STAG1: variants seen among roughly 807,000 people sequenced by gnomAD.
STAG1 encodes cohesin subunit SA-1.
In STAG1, 26 loss-of-function variants were observed where a neutral mutation model predicts 170.9. The ratio of observed to expected loss-of-function variants is 0.15; its 90% CI spans 0.11 to 0.21. The LOEUF is 0.21. Among genes scored for constraint, STAG1 ranks in the 10% least tolerant of loss-of-function variants. The pLI is 1.00. For missense variants in STAG1, 964 were observed against 1,509.5 expected, an observed-to-expected ratio of 0.64 and a Z score of 5.99; for synonymous variants, 514 against 497.7, an observed-to-expected ratio of 1.03 and a Z score of -0.44.
chr3:136,742,709 C>T (rs1240880741), intron 1 of STAG1, among the ~76,000 whole-genome samples: 2 of 142,696 alleles, frequency 1.4e-5, no homozygotes, highest in East Asian at 2.1e-4. Context: ...AGCAAGACTC[C>T]ATCTCAAAAA....
At chr3:136,615,360 G>T (rs1939531249) in intron 3 of STAG1, among the ~76,000 whole-genome samples, 1 of 144,154 alleles carries the variant, frequency 6.9e-6, no homozygotes, top group Non-Finnish European at 1.5e-5. Flanking sequence ...TTCATAAAAT[G>T]GCATTGCCTG....
rs531721951 is a variant in STAG1 at position 136,731,056 on chromosome 3, C to T, written c.-84+21139G>A. On this transcript the variant is annotated intron_variant, in intron 1 of 33. Transcript: ENST00000383202. ...TTAAGAACCACTGGGCTATATATCA[C>T]AGCTCTGTCCCTTTGCATATATACA... 5.6e-4 allele frequency among the ~76,000 whole-genome samples: 85 copies of T among 152,308 alleles called. No individual in the cohort carries two copies. The Middle Eastern group carries it at 0.01, about 18-fold the overall frequency.
intron 22 of STAG1, among the ~76,000 whole-genome samples, chr3:136,381,692 T>G (rs1031322660): frequency 1.3e-5 from 2 of 152,200 alleles, no homozygotes; most frequent in Non-Finnish European, 2.9e-5. Context: ...TCTTGACCTT[T>G]TTAATAGAAA....
intron 4 of STAG1, among the ~76,000 whole-genome samples, chr3:136,595,022 G>A (rs957223221): frequency 6.6e-6 from 1 of 152,140 alleles, no homozygotes; most frequent in Admixed American, 6.6e-5. Context: ...GCCTGCTTCA[G>A]CCTCCCAAAG....
At chr3:136,408,800 T>C (rs1422080581) in intron 21 of STAG1, among the ~76,000 whole-genome samples, 1 of 152,108 alleles carries the variant, frequency 6.6e-6, no homozygotes, top group African/African-American at 2.4e-5. Flanking sequence ...TCTTTTTGAC[T>C]TAGAAGTCTA....
At chr3:136,666,242 G>A (rs1358411215) in intron 1 of STAG1, among the ~76,000 whole-genome samples, 2 of 152,010 alleles carry the variant, frequency 1.3e-5, no homozygotes, top group Non-Finnish European at 2.9e-5. Context: ...GAACAATCAA[G>A]GAAGCTGATT....
intron 23 of STAG1, among the ~76,000 whole-genome samples, chr3:136,375,047 C>T (rs80239582): frequency 6.6e-6 from 1 of 152,118 alleles, no homozygotes; most frequent in Non-Finnish European, 1.5e-5. Flanking sequence ...ATAGGCCATA[C>T]CATAGAGCAT....
At chr3:136,723,871 G>C (rs1933483137) in intron 1 of STAG1, among the ~76,000 whole-genome samples, 2 of 148,914 alleles carry the variant, frequency 1.3e-5, no homozygotes, top group Admixed American at 1.3e-4. Flanking sequence ...GCCCCGTCCG[G>C]GAGGGTGGTG....
Position 136,542,191 on chromosome 3 carries a change from A to G in STAG1, c.399T>C (p.Thr133=). Residue 133 remains threonine (T), a synonymous_variant, in exon 6 of 34, where the codon ACT becomes ACC. Transcript: ENST00000383202. The part of the protein sequence containing the change: ...FFIQCSGCRG[T]VRIEMFRNMQ... ...TATTTCGAAACATCTCTATTCTCAC[A>G]GTACCTGTGGAACAACAGATTTTAC... The G allele has an allele frequency of 1.2e-6, 2 of 1,606,234 alleles. No homozygotes were observed. Among genetic ancestry groups the G allele is most frequent in the Non-Finnish European group, 1.7e-6 (2 of 1,177,738 alleles).
intron 14 of STAG1, among the ~76,000 whole-genome samples, chr3:136,444,687 G>C (rs905398921): frequency 9.2e-5 from 14 of 152,176 alleles, no homozygotes; most frequent in African/African-American, 3.4e-4. Flanking sequence ...TCTGTTATAT[G>C]TGCTTGTACT....
chr3:136,676,640 G>A (rs1267868689), intron 1 of STAG1, among the ~76,000 whole-genome samples: 1 of 152,040 alleles, frequency 6.6e-6, no homozygotes, highest in East Asian at 1.9e-4. Context: ...TGTGGAGATA[G>A]GGTTTCACTA....
intron 14 of STAG1, among the ~76,000 whole-genome samples, chr3:136,447,595 CATTTT>C (rs1480850354): frequency 1.6e-5 from 2 of 121,412 alleles, no homozygotes; most frequent in South Asian, 2.7e-4. Context: ...AAAAGCATCA[CATTTT>C]TTTTTTTTTT....
At chr3:136,352,879 A>G (rs772165214) in intron 28 of STAG1, among the ~76,000 whole-genome samples, 8 of 152,196 alleles carry the variant, frequency 5.3e-5, no homozygotes, top group Non-Finnish European at 7.3e-5. Flanking sequence ...TTGACTTACA[A>G]TATTTTAAAC....
At chr3:136,439,966 A>G (rs1436901203) in intron 15 of STAG1, among the ~76,000 whole-genome samples, 1 of 152,190 alleles carries the variant, frequency 6.6e-6, no homozygotes, top group Non-Finnish European at 1.5e-5. Flanking sequence ...CAGAATTTAA[A>G]CCACAATGAA....
intron 20 of STAG1, among the ~76,000 whole-genome samples, chr3:136,420,046 C>T (rs944726018): frequency 4.6e-5 from 7 of 151,780 alleles, no homozygotes; most frequent in Non-Finnish European, 8.8e-5. Flanking sequence ...GTCAGGAGTT[C>T]AAGACCAGCC....
intron 9 of STAG1, among the ~76,000 whole-genome samples, chr3:136,478,601 A>C (rs113696420): frequency 6.6e-6 from 1 of 151,920 alleles, no homozygotes; most frequent in Non-Finnish European, 1.5e-5. Context: ...TTTTAGCTAA[A>C]ATTTTAATGA....
At chr3:136,588,220 T>C (rs539080591) in intron 4 of STAG1, among the ~76,000 whole-genome samples, 63 of 152,316 alleles carry the variant, frequency 4.1e-4, no homozygotes, top group Non-Finnish European at 6.6e-4. Flanking sequence ...GCTGGTCTGA[T>C]GGTAGTGGGT....
intron 1 of STAG1, among the ~76,000 whole-genome samples, chr3:136,664,265 T>C (rs1941679461): frequency 6.6e-6 from 1 of 152,222 alleles, no homozygotes; most frequent in African/African-American, 2.4e-5. Context: ...CAAGTTAATA[T>C]ACATGTGTGT....
chr3:136,677,890 CAT>C (rs979336283), intron 1 of STAG1, among the ~76,000 whole-genome samples: 9 of 146,522 alleles, frequency 6.1e-5, no homozygotes, highest in Non-Finnish European at 1.0e-4. Flanking sequence ...ATATATATAT[CAT>C]ATATATAATA....
Sources: gnomAD v4.1 joint callset for allele counts (sites outside exome capture counted in the v4.1 genomes callset) on GRCh38, gnomAD v4.1.1 for gene constraint, MANE v1.5 for transcripts, NCBI Gene and HGNC (gene_info 2026-07-23, HGNC 2026-07-21) for gene names.